HECA: variants seen among roughly 807,000 people sequenced by gnomAD.
HECA encodes headcase protein homolog.
Under a neutral mutation model 37.6 loss-of-function variants are expected in HECA, and 13 were observed. The ratio of observed to expected loss-of-function variants is 0.35; its 90% CI spans 0.23 to 0.55. The LOEUF (loss-of-function observed/expected upper bound fraction) is 0.55. Among genes scored for constraint, HECA ranks in the 20% least tolerant of loss-of-function variants. The probability of loss-of-function intolerance (pLI) is 0.90; values close to 1 mark genes in which losing one functional copy is unlikely to be tolerated. For synonymous variants in HECA, 307 were observed against 291.5 expected, an observed-to-expected ratio of 1.05 and a Z score of -0.54; for missense variants, 527 against 701.9, an observed-to-expected ratio of 0.75 and a Z score of 2.82.
chr6:139,173,700 A>G (rs118004097), intron 2 of HECA, among the ~76,000 whole-genome samples: 1 of 152,356 alleles, frequency 6.6e-6, no homozygotes, highest in East Asian at 1.9e-4. Flanking sequence ...CATATACACT[A>G]GGATGACATC....
intron 1 of HECA, among the ~76,000 whole-genome samples, chr6:139,140,951 C>T (rs769570188): frequency 3.3e-5 from 5 of 152,092 alleles, no homozygotes; most frequent in Non-Finnish European, 7.3e-5. Context: ...CCACAATGCC[C>T]GGCTAATTTT....
chr6:139,151,657 C>A (rs1418037295), intron 1 of HECA, among the ~76,000 whole-genome samples: 2 of 152,158 alleles, frequency 1.3e-5, no homozygotes, highest in African/African-American at 4.8e-5. Context: ...AACCTTTATA[C>A]TGTAATTGAG....
intron 1 of HECA, among the ~76,000 whole-genome samples, chr6:139,140,041 A>G (rs1305177340): frequency 2.0e-5 from 3 of 152,218 alleles, no homozygotes; most frequent in Non-Finnish European, 4.4e-5. Context: ...TCTGTTGACA[A>G]GTAGATTTTT....
At chr6:139,170,016 TC>T (rs1774949970) in intron 2 of HECA, 1 of 152,252 alleles carries the variant, frequency 6.6e-6, no homozygotes, top group Admixed American at 6.5e-5. Flanking sequence ...CAGTCTACTT[TC>T]TGACTTCATA....
chr6:139,166,620 A>G lies in HECA; in HGVS notation c.608A>G (p.Lys203Arg). ...AAGCGGATGCAGGACGAGAAAAAGA[A>G]GAAGTCTGGCTCCGAGAAGAACACA... ...QVKRMQDEKK[K>R]KSGSEKNTGR... Residue 203 changes from lysine (K) to arginine (R), a missense_variant, in exon 2 of 4, where the codon AAG (lysine) becomes AGG (arginine). Physicochemically the swap from Lys to Arg is conservative, Grantham distance 26 (BLOSUM62 2). This residue lies in a region of HECA where 228 missense variants were observed against 259.8 expected (regional missense o/e 0.88). Coordinates refer to ENST00000367658, the MANE Select transcript of HECA (RefSeq NM_016217.3). 6.2e-7 allele frequency: 1 copy of G among 1,614,248 alleles called. No homozygotes were observed. Among genetic ancestry groups the G allele is most frequent in the Non-Finnish European group, 8.5e-7 (1 of 1,180,046 alleles).
At position 139,166,721 on chromosome 6, in the gene HECA, C is replaced by T. The variant is rs1251362420; in HGVS notation, c.709C>T (p.His237Tyr). ...PPNKPQKGPS[H>Y]DLPRRHSMDR... Reference sequence around the variant, plus strand: ...AAATAAGCCCCAGAAAGGCCCAAGCCACGACCTCCCCCGCCGGCATTCCAT... The same window carrying T: ...AAATAAGCCCCAGAAAGGCCCAAGCTACGACCTCCCCCGCCGGCATTCCAT... The change falls in exon 2 of 4, where the codon CAC becomes TAC. Residue 237 changes from histidine (H) to tyrosine (Y), a missense_variant. Physicochemically the swap from His to Tyr is moderately conservative, Grantham distance 83. Coordinates refer to ENST00000367658, the MANE Select transcript of HECA (RefSeq NM_016217.3). 1.9e-6 allele frequency: 3 copies of T among 1,611,370 alleles called. No individual in the cohort carries two copies. The African/African-American group carries it at 4.0e-5, about 22-fold the overall frequency.
At chr6:139,155,135 T>C (rs1774697070) in intron 1 of HECA, among the ~76,000 whole-genome samples, 1 of 152,224 alleles carries the variant, frequency 6.6e-6, no homozygotes, top group African/African-American at 2.4e-5. Flanking sequence ...GGCCAGATGG[T>C]ATACCCTGTT....
chr6:139,174,312 C>T (rs1378432651), intron 2 of HECA, 73 bp from the exon 3 acceptor site: 2 of 1,487,346 alleles, frequency 1.3e-6, no homozygotes, highest in Non-Finnish European at 1.8e-6. Context: ...GTAGATGAAA[C>T]ATTTTTATCT....
intron 1 of HECA, among the ~76,000 whole-genome samples, chr6:139,149,829 T>A (rs947536802): frequency 6.6e-6 from 1 of 151,980 alleles, no homozygotes; most frequent in African/African-American, 2.4e-5. Context: ...TTGAGGAGGG[T>A]TCTTTCACCA....
chr6:139,171,987 G>A (rs980655076), intron 2 of HECA, among the ~76,000 whole-genome samples: 15 of 152,014 alleles, frequency 9.9e-5, no homozygotes, highest in African/African-American at 1.9e-4. Context: ...CCGCCACCAC[G>A]CCTAGCTAAT....
chr6:139,166,811 G>C lies in HECA; in HGVS notation c.799G>C (p.Gly267Arg), dbSNP rs1166259522. ...AGCCTACGGTGCCCGTTCCCCCGGT[G>C]GCTCCCCGGGCCAGTCCCCACCCAC... The part of the protein sequence containing the change: ...AAAYGARSPG[G>R]SPGQSPPTGY... Residue 267 changes from glycine (G) to arginine (R), a missense_variant, in exon 2 of 4, where the codon GGC becomes CGC. Gly to Arg is a moderately radical substitution (Grantham distance 125). Coordinates refer to ENST00000367658, the MANE Select transcript of HECA (RefSeq NM_016217.3). The C allele has an allele frequency of 6.2e-7, 1 of 1,613,582 alleles. No homozygotes were observed. The highest frequency in any genetic ancestry group is 1.3e-5 in the African/African-American group (1 of 74,930).
intron 2 of HECA, among the ~76,000 whole-genome samples, chr6:139,168,063 C>T (rs1774918262): frequency 6.6e-6 from 1 of 152,164 alleles, no homozygotes; most frequent in South Asian, 2.1e-4. Context: ...AATGATATAT[C>T]CCCACCTGTC....
intron 1 of HECA, among the ~76,000 whole-genome samples, chr6:139,142,534 A>G (rs191041742): frequency 1.3e-5 from 2 of 152,298 alleles, no homozygotes; most frequent in Admixed American, 6.5e-5. Flanking sequence ...AAATTCTCCA[A>G]AATGTCTCAG....
intron 1 of HECA, among the ~76,000 whole-genome samples, chr6:139,146,304 T>C (rs1774582837): frequency 6.6e-6 from 1 of 152,164 alleles, no homozygotes; most frequent in Non-Finnish European, 1.5e-5. Context: ...TCTCTAGGGG[T>C]AAGCATAGGT....
chr6:139,177,421 A>G lies in HECA; in HGVS notation c.*316A>G. 1 of 190,776 alleles carries G rather than the reference A, an allele frequency of 5.2e-6. No individual in the cohort carries two copies. The highest frequency in any genetic ancestry group is 1.1e-5 in the Non-Finnish European group (1 of 92,910). 11.8% of individuals were successfully genotyped at this position (190,776 alleles called of 1,614,324 possible). ...TTAGGAAAGGAATTTGTGGTTATAAACTAAGAGCTTGATAGGAGTTGGAAG... is the reference window on the plus strand; with the variant it reads ...TTAGGAAAGGAATTTGTGGTTATAAGCTAAGAGCTTGATAGGAGTTGGAAG... On this transcript the variant is annotated 3_prime_UTR_variant, in exon 4 of 4. Transcript: ENST00000367658. This position sits in a 1 kb window ranked among gnomAD's most constrained non-coding sequence, Gnocchi z 4.9.
chr6:139,150,372 T>A (rs1774635946), intron 1 of HECA, among the ~76,000 whole-genome samples: 1 of 152,102 alleles, frequency 6.6e-6, no homozygotes, highest in Non-Finnish European at 1.5e-5. Flanking sequence ...GTATTCAGAT[T>A]TGAAATTTTT....
chr6:139,147,463 A>G (rs1218052166), intron 1 of HECA, among the ~76,000 whole-genome samples: 1 of 152,060 alleles, frequency 6.6e-6, no homozygotes, highest in Non-Finnish European at 1.5e-5. Flanking sequence ...CCACCTCTGC[A>G]AAAATACAAA....
At chr6:139,164,078 A>ACTCTCTCTCTCTCT (rs1334773429) in intron 1 of HECA, among the ~76,000 whole-genome samples, 22 of 78,546 alleles carry the variant, frequency 2.8e-4, no homozygotes, top group Non-Finnish European at 4.3e-4. Context: ...ACACACACAC[A>ACTCTCTCTCTCTCT]CACTCTCTCT....
intron 1 of HECA, among the ~76,000 whole-genome samples, chr6:139,148,348 G>A (rs1774609918): frequency 6.6e-6 from 1 of 152,250 alleles, no homozygotes; most frequent in Admixed American, 6.5e-5. Context: ...TGTAGGCAAA[G>A]CAGTTTGGGC....
Sources: gnomAD v4.1 joint callset for allele counts (sites outside exome capture counted in the v4.1 genomes callset) on GRCh38, gnomAD v4.1.1 for gene constraint, gnomAD v4.1.1 regional missense constraint, Gnocchi (gnomAD v3.1) non-coding constraint, MANE v1.5 for transcripts, NCBI Gene and HGNC (gene_info 2026-07-23, HGNC 2026-07-21) for gene names.